ADCY7: variants seen among roughly 807,000 people sequenced by gnomAD.
ADCY7 encodes the protein adenylate cyclase 7, also known as adenylate cyclase type 7.
A neutral mutation model predicts 120.6 loss-of-function variants in ADCY7; 72 were observed. The observed-to-expected ratio is 0.60, with a 90% confidence interval of 0.49 to 0.73. The LOEUF (loss-of-function observed/expected upper bound fraction) is 0.73, where lower values mean the gene tolerates loss of function less well. Among genes scored for constraint, ADCY7 ranks in the 30% least tolerant of loss-of-function variants. ADCY7 has a pLI of 0.00. For missense variants in ADCY7, 1,227 were observed against 1,486.0 expected (o/e 0.83, Z 2.87); for synonymous variants, 661 against 628.0 (o/e 1.05, Z -0.78).
rs2151080493 is a variant in ADCY7 at position 50,310,346 on chromosome 16, G to A, written c.2161-341G>A. The A allele has an allele frequency of 4.2e-6, 4 of 952,984 alleles. No homozygotes were observed. The South Asian group carries it at 5.7e-5, about 14-fold the overall frequency. 59.0% of individuals were successfully genotyped at this position (952,984 alleles called of 1,614,324 possible). A position where few individuals can be genotyped will look rare whatever the true frequency, so the allele number is the denominator to read the frequency against. ...CTGGGGAGCCACAGCACAATCTTGA[G>A]CAGGGCAGAGGTCCTTTGGGAGGGT... On this transcript the variant is annotated intron_variant, in intron 18 of 25. Coordinates refer to ENST00000673801, the MANE Select transcript of ADCY7 (RefSeq NM_001114.5).
Position 50,301,330 on chromosome 16 carries a change from C to T in ADCY7, c.1368+116C>T, listed in dbSNP as rs1453760440. On this transcript the variant is annotated intron_variant, in intron 10 of 25. Coordinates refer to ENST00000673801, the MANE Select transcript of ADCY7 (RefSeq NM_001114.5). ...ATGTGGAGGGAGAGGTGGGGAAGGG[C>T]CCTGCCTGGGCAGGAGTGAGCTCCC... The T allele has an allele frequency of 2.9e-6, 4 of 1,381,884 alleles. No individual in the cohort carries two copies. In the East Asian group the frequency reaches 1.0e-4, roughly 35 times the overall value. 85.6% of individuals were successfully genotyped at this position (1,381,884 alleles called of 1,614,324 possible).
At chr16:50,255,514 A>G (rs1014912217) in intron 1 of ADCY7, among the ~76,000 whole-genome samples, 3 of 151,552 alleles carry the variant, frequency 2.0e-5, no homozygotes, top group Non-Finnish European at 2.9e-5. Context: ...TTTGTTGTTC[A>G]GATAGTGTCT....
At position 50,313,481 on chromosome 16, in the gene ADCY7, A is replaced by G. The variant is rs2036603658; in HGVS notation, c.2751+445A>G. The G allele has an allele frequency of 1.6e-5, 3 of 186,744 alleles. No homozygotes were observed. In the South Asian group the frequency reaches 3.7e-4, roughly 23 times the overall value. 11.6% of individuals were successfully genotyped at this position (186,744 alleles called of 1,614,324 possible). On this transcript the variant is annotated intron_variant, in intron 22 of 25. Transcript: ENST00000673801. ...CGCCTGGGGGGAACATACATTACAC[A>G]GAATATAAAGGTACACATTTCTTTT...
chr16:50,299,098 G>T (rs1023911561), intron 8 of ADCY7, 67 bp downstream of exon 8: 7 of 1,506,910 alleles, frequency 4.6e-6, no homozygotes, highest in Non-Finnish European at 6.2e-6. Flanking sequence ...CATGGTAGGG[G>T]ATGTGTCATT....
chr16:50,253,245 C>G (rs1319967940), intron 1 of ADCY7, among the ~76,000 whole-genome samples: 2 of 152,156 alleles, frequency 1.3e-5, no homozygotes, highest in African/African-American at 4.8e-5. Flanking sequence ...GAGTCCATTT[C>G]TTTTTCTTTT....
intron 8 of ADCY7, among the ~76,000 whole-genome samples, chr16:50,300,115 C>T (rs2035619726): frequency 6.6e-6 from 1 of 152,092 alleles, no homozygotes; most frequent in South Asian, 2.1e-4. Context: ...GATGGAGTCT[C>T]GCTGTGTTGC....
At chr16:50,308,989 G>C (rs1347255458) in intron 17 of ADCY7, 197 bp downstream of exon 17, 1 of 578,542 alleles carries the variant, frequency 1.7e-6, no homozygotes, top group Non-Finnish European at 2.8e-6. Context: ...GGGGCCCAGA[G>C]AGCTTGTGTG....
intron 14 of ADCY7, 29 bp from the exon 15 acceptor site, chr16:50,307,021 C>A: frequency 6.3e-7 from 1 of 1,581,678 alleles, no homozygotes; most frequent in Non-Finnish European, 8.6e-7. Context: ...CTGCTGGTGG[C>A]CACCCCTCAC....
chr16:50,280,983 G>C (rs2034223433), intron 1 of ADCY7, among the ~76,000 whole-genome samples: 1 of 152,158 alleles, frequency 6.6e-6, no homozygotes, highest in Admixed American at 6.5e-5. Context: ...GGCTATGGAG[G>C]GGGAGCAGGG....
chr16:50,255,696 T>C (rs192443172), intron 1 of ADCY7, among the ~76,000 whole-genome samples: 5 of 152,320 alleles, frequency 3.3e-5, no homozygotes, highest in Admixed American at 3.3e-4. Context: ...TTCAACATGC[T>C]GCCCAGGCTG....
chr16:50,266,958 C>T (rs1037461464), intron 1 of ADCY7, among the ~76,000 whole-genome samples: 13 of 152,094 alleles, frequency 8.5e-5, no homozygotes, highest in African/African-American at 2.7e-4. Context: ...ACATGTGGCC[C>T]GTTCCATCTG....
rs8051594 is a variant in ADCY7, at chr16:50,292,750, A to T, written c.612A>T (p.Ala204=). The T allele has an allele frequency of 6.2e-7, 1 of 1,613,982 alleles. No individual in the cohort carries two copies. The highest frequency in any genetic ancestry group is 2.2e-5 in the East Asian group (1 of 44,864). ...GAFHKHQMQD[A]SRDLFTYTVK... is the part of the protein sequence containing the mutation. The stretch of plus-strand genomic sequence containing the variant: ...TCCACAAGCACCAAATGCAGGATGC[A>T]TCCCGGGACCTCTTCACCTACACTG... Residue 204 remains alanine (A), a synonymous_variant, in exon 5 of 26, where the codon GCA becomes GCT. Transcript: ENST00000673801.
At chr16:50,259,360 G>T (rs1224451854) in intron 1 of ADCY7, among the ~76,000 whole-genome samples, 1 of 152,228 alleles carries the variant, frequency 6.6e-6, no homozygotes, top group African/African-American at 2.4e-5. Flanking sequence ...CTGTCCATGG[G>T]TCACACTGGG....
Position 50,308,727 on chromosome 16 carries a change from C to T in ADCY7, c.1996C>T (p.Leu666=), listed in dbSNP as rs141846806. ...TISERVETQP[L]LRLTLAVLTI... is the part of the protein sequence containing the mutation. ...CTCTGAGAGGGTGGAGACACAGCCC[C>T]TGCTGAGGCTGACCCTGGCCGTCCT... The change falls in exon 17 of 26, where the codon CTG becomes TTG. Residue 666 remains leucine, a synonymous_variant. Coordinates refer to ENST00000673801, the MANE Select transcript of ADCY7 (RefSeq NM_001114.5). 49 of 1,613,660 alleles carry T rather than the reference C, an allele frequency of 3.0e-5. No homozygotes were observed. In the African/African-American group the frequency reaches 6.1e-4, roughly 20 times the overall value.
chr16:50,271,489 CTG>C (rs1189748311), intron 1 of ADCY7, among the ~76,000 whole-genome samples: 1 of 152,208 alleles, frequency 6.6e-6, no homozygotes, highest in Admixed American at 6.5e-5. Flanking sequence ...TGAGCAGACT[CTG>C]TGTTAGGATG....
chr16:50,310,563 G>T (rs1316111451), intron 18 of ADCY7, 124 bp from the exon 19 acceptor site: 47 of 1,562,158 alleles, frequency 3.0e-5, no homozygotes, highest in Non-Finnish European at 3.8e-5. Context: ...TGTTGAGAAG[G>T]GAGGTGGTAA....
chr16:50,281,385 AGGCAGGTGC>A (rs58503111), intron 1 of ADCY7, among the ~76,000 whole-genome samples: 1 of 151,032 alleles, frequency 6.6e-6, no homozygotes, highest in East Asian at 1.9e-4. Context: ...GTGGCAGGTA[AGGCAGGTGC>A]GGCAGGTGCA....
In ADCY7 at chr16:50,315,379, C is replaced by G. The variant is rs753123108; in HGVS notation, c.3117C>G (p.Thr1039=). 1.5e-5 allele frequency: 25 copies of G among 1,613,232 alleles called. No individual in the cohort carries two copies. In the South Asian group the frequency reaches 2.4e-4, roughly 16 times the overall value. The change falls in exon 26 of 26, where the codon ACC becomes ACG. Residue 1039 remains threonine (T), a synonymous_variant. Transcript: ENST00000673801. ...GKIQVTEETC[T]ILQGLGYSCE... is the part of the protein sequence containing the mutation. ...TTCAGGTTACCGAGGAGACCTGCACCATCCTCCAGGGCCTCGGGTACTCTT... is the reference window on the plus strand; with the variant it reads ...TTCAGGTTACCGAGGAGACCTGCACGATCCTCCAGGGCCTCGGGTACTCTT...
chr16:50,310,456 C>A (rs368027474), intron 18 of ADCY7: 1 of 1,536,098 alleles, frequency 6.5e-7, no homozygotes, highest in Non-Finnish European at 8.7e-7. Context: ...ATCCACAGCA[C>A]CTGCATACTG....
Sources: gnomAD v4.1 joint callset for allele counts (sites outside exome capture counted in the v4.1 genomes callset) on GRCh38, gnomAD v4.1.1 for gene constraint, MANE v1.5 for transcripts, NCBI Gene and HGNC (gene_info 2026-07-23, HGNC 2026-07-21) for gene names.